NRXN1: variants seen among roughly 807,000 people sequenced by gnomAD.
NRXN1 encodes the protein neurexin-1.
NRXN1 carries 39 observed loss-of-function variants against 150.9 expected under a neutral mutation model. That is an observed-to-expected ratio of 0.26 (90% CI 0.20 to 0.34). NRXN1 has a LOEUF of 0.34. Ranked by LOEUF, NRXN1 falls within the 10% of genes least tolerant of loss-of-function variation. NRXN1 has a pLI of 1.00. For missense variants in NRXN1, 1,815 were observed against 1,949.9 expected (o/e 0.93, Z 1.30); for synonymous variants, 924 against 757.0 (o/e 1.22, Z -3.62).
chr2:50,666,823 T>C (rs1397797532), intron 5 of NRXN1, among the ~76,000 whole-genome samples: 2 of 149,640 alleles, frequency 1.3e-5, no homozygotes, highest in Non-Finnish European at 3.0e-5. Flanking sequence ...TAGTTCCAAG[T>C]TCCAGAGCAT....
At chr2:50,393,148 A>T (rs2103837365) in intron 17 of NRXN1, among the ~76,000 whole-genome samples, 1 of 149,990 alleles carries the variant, frequency 6.7e-6, no homozygotes, top group East Asian at 2.0e-4. Flanking sequence ...ATTGTAATTT[A>T]AGGGCCCTCT....
intron 5 of NRXN1, among the ~76,000 whole-genome samples, chr2:50,677,355 G>A (rs952149174): frequency 6.6e-6 from 1 of 152,060 alleles, no homozygotes; most frequent in Non-Finnish European, 1.5e-5. Flanking sequence ...AAAGACTCTG[G>A]GATAAGTCAG....
intron 5 of NRXN1, among the ~76,000 whole-genome samples, chr2:50,846,265 A>T (rs1673638741): frequency 6.6e-6 from 1 of 152,138 alleles, no homozygotes; most frequent in Non-Finnish European, 1.5e-5. Context: ...ATTCTCAGCA[A>T]CTAAAGCCAC....
At chr2:50,987,427 T>A (rs1697895835) in intron 2 of NRXN1, among the ~76,000 whole-genome samples, 1 of 151,938 alleles carries the variant, frequency 6.6e-6, no homozygotes. Flanking sequence ...TATGCTCTTT[T>A]TCCCACATTC....
In NRXN1 at chr2:50,600,564, A is replaced by T. The variant is rs183878866; in HGVS notation, c.1320+19458T>A. Among the ~76,000 whole-genome samples, 328 of 152,272 alleles carry T rather than the reference A, an allele frequency of 2.2e-3. 1 individual carries two copies. Among genetic ancestry groups the T allele is most frequent in the African/African-American group, 6.0e-3 (250 of 41,558 alleles). ...GGTCTCAAATTCCTGACCTCAAGTG[A>T]TCCACCTGCCTCAGCCTCCCAAAGT... On this transcript the variant is annotated intron_variant, in intron 8 of 22. Coordinates refer to ENST00000401669, the MANE Select transcript of NRXN1 (RefSeq NM_001330078.2).
chr2:49,984,149 AGAGT>A (rs1475232246), intron 21 of NRXN1, among the ~76,000 whole-genome samples: 3 of 152,174 alleles, frequency 2.0e-5, no homozygotes, highest in Non-Finnish European at 4.4e-5. Context: ...TGCGGTCAAT[AGAGT>A]GAGACCTGGT....
At chr2:50,949,638 G>C (rs1250128585) in intron 2 of NRXN1, among the ~76,000 whole-genome samples, 1 of 151,926 alleles carries the variant, frequency 6.6e-6, no homozygotes, top group Non-Finnish European at 1.5e-5. Flanking sequence ...ACATGGTGTG[G>C]TTTCATTCCT....
chr2:50,729,044 A>G, intron 5 of NRXN1, among the ~76,000 whole-genome samples: 1 of 152,272 alleles, frequency 6.6e-6, no homozygotes, highest in East Asian at 1.9e-4. Flanking sequence ...TTTTACTACT[A>G]GTCATATATT....
intron 5 of NRXN1, among the ~76,000 whole-genome samples, chr2:50,859,838 T>TTGTGTGTGTATG (rs1366132209): frequency 1.1e-4 from 16 of 147,572 alleles, no homozygotes; most frequent in African/African-American, 4.0e-4. Flanking sequence ...ACAATTATGT[T>TTGTGTGTGTATG]TGTGTGTGTG....
At chr2:50,493,451 A>C (rs1186376646) in intron 15 of NRXN1, among the ~76,000 whole-genome samples, 1 of 152,142 alleles carries the variant, frequency 6.6e-6, no homozygotes, top group Non-Finnish European at 1.5e-5. Context: ...TCTCTGTCCT[A>C]TAAGTGCTCC....
At chr2:50,670,305 A>G (rs1189179997) in intron 5 of NRXN1, among the ~76,000 whole-genome samples, 1 of 151,840 alleles carries the variant, frequency 6.6e-6, no homozygotes, top group East Asian at 1.9e-4. Flanking sequence ...TTAAAAAAAA[A>G]CTAGTGAAAA....
chr2:50,040,618 C>G (rs1159444243), intron 21 of NRXN1, among the ~76,000 whole-genome samples: 1 of 151,868 alleles, frequency 6.6e-6, no homozygotes, highest in Non-Finnish European at 1.5e-5. Context: ...AATGTGGTAT[C>G]GTTGCTTTTT....
chr2:50,992,867 T>C (rs190168947), intron 2 of NRXN1, among the ~76,000 whole-genome samples: 7 of 152,068 alleles, frequency 4.6e-5, no homozygotes, highest in Admixed American at 4.6e-4. Context: ...ATATAACATA[T>C]GGTGTTCAAT....
At chr2:50,352,779 T>TATATAATAATAATA (rs2078516527) in intron 17 of NRXN1, among the ~76,000 whole-genome samples, 1 of 94,346 alleles carries the variant, frequency 1.1e-5, no homozygotes, top group Non-Finnish European at 2.3e-5. Flanking sequence ...ATAATAATAT[T>TATATAATAATAATA]ATAATAATAA....
chr2:50,793,627 C>T (rs759946528), intron 5 of NRXN1, among the ~76,000 whole-genome samples: 1 of 152,042 alleles, frequency 6.6e-6, no homozygotes, highest in Non-Finnish European at 1.5e-5. Flanking sequence ...CAGAAAGAGG[C>T]AGCTGAAGAG....
chr2:50,919,355 T>A (rs1315217980), intron 5 of NRXN1: 2 of 151,792 alleles, frequency 1.3e-5, no homozygotes, highest in Non-Finnish European at 2.9e-5. Flanking sequence ...TCAAAAGGCA[T>A]GTTCTTTTTA....
At chr2:50,524,054 T>C (rs150154490) in intron 12 of NRXN1, among the ~76,000 whole-genome samples, 11 of 152,178 alleles carry the variant, frequency 7.2e-5, no homozygotes, top group South Asian at 6.2e-4. Context: ...TGAATCTTAA[T>C]AGAAAGAAAG....
intron 18 of NRXN1, among the ~76,000 whole-genome samples, chr2:50,123,910 T>A (rs945596259): frequency 1.3e-5 from 2 of 151,924 alleles, no homozygotes; most frequent in Non-Finnish European, 2.9e-5. Context: ...TTGTATAAAA[T>A]CAGGTAATAA....
At chr2:50,619,728 T>G (rs973270291) in intron 8 of NRXN1, 4 of 407,162 alleles carry the variant, frequency 9.8e-6, no homozygotes, top group African/African-American at 8.2e-5. Flanking sequence ...TAGCTCAACT[T>G]TAGACCCAGT....
Sources: allele counts gnomAD v4.1 joint callset (sites outside exome capture counted in the v4.1 genomes callset), GRCh38; gene constraint gnomAD v4.1.1; transcripts MANE v1.5; gene names NCBI Gene and HGNC (gene_info 2026-07-23, HGNC 2026-07-21).